NSL1: variants seen among roughly 807,000 people sequenced by gnomAD.
NSL1 encodes the protein kinetochore-associated protein NSL1 homolog.
Under a neutral mutation model 25.4 loss-of-function variants are expected in NSL1, and 11 were observed. That is an observed-to-expected ratio of 0.43 (90% confidence interval 0.27 to 0.72). The LOEUF (loss-of-function observed/expected upper bound fraction) is 0.72, where lower values mean the gene tolerates loss of function less well. NSL1 is among the 30% of genes least tolerant of loss of function. NSL1 has a pLI of 0.19. For synonymous variants in NSL1, 118 were observed against 120.6 expected, an observed-to-expected ratio of 0.98 and a Z score of 0.14; for missense variants, 330 against 342.7, an observed-to-expected ratio of 0.96 and a Z score of 0.29.
At chr1:212,758,932 C>CAGACAAA (rs1416025151) in intron 4 of NSL1, among the ~76,000 whole-genome samples, 1 of 152,158 alleles carries the variant, frequency 6.6e-6, no homozygotes, top group African/African-American at 2.4e-5. Context: ...GGCCTAAGGA[C>CAGACAAA]AGACAAAGAT....
chr1:212,742,283 T>C (rs1658542684), intron 4 of NSL1, among the ~76,000 whole-genome samples: 1 of 152,194 alleles, frequency 6.6e-6, no homozygotes, highest in African/African-American at 2.4e-5. Flanking sequence ...AAATTTACAT[T>C]TGAAGCCATT....
intron 4 of NSL1, among the ~76,000 whole-genome samples, chr1:212,770,210 A>T (rs925227889): frequency 2.6e-5 from 4 of 152,174 alleles, no homozygotes; most frequent in Non-Finnish European, 5.9e-5. Flanking sequence ...TATCAATCTA[A>T]AGAGAGAGAC....
rs1658277556 is a variant in NSL1, at chr1:212,737,511, T to C, written c.*897A>G. 2 of 982,590 alleles carry C rather than the reference T, an allele frequency of 2.0e-6. No individual in the cohort carries two copies. Among genetic ancestry groups the C allele is most frequent in the South Asian group, 9.4e-5 (2 of 21,242 alleles). The allele number at this position is 982,590 out of a possible 1,614,324, so 60.9% of individuals were successfully genotyped here. ...AGCTATAAGAAACTATAGTTAAATG[T>C]TAGAAGTAAAGCCAATATCGTTTTC... On this transcript the variant is annotated 3_prime_UTR_variant, in exon 6 of 6. Coordinates refer to ENST00000366977, the MANE Select transcript of NSL1 (RefSeq NM_015471.4).
intron 2 of NSL1, among the ~76,000 whole-genome samples, 153 bp downstream of exon 2, chr1:212,787,406 T>TG (rs35440902): frequency 6.6e-6 from 1 of 152,240 alleles, no homozygotes; most frequent in African/African-American, 2.4e-5. Context: ...AGAAGACTAT[T>TG]GAAGTCATAA....
At chr1:212,781,097 T>C (rs1478623500) in intron 4 of NSL1, among the ~76,000 whole-genome samples, 2 of 152,206 alleles carry the variant, frequency 1.3e-5, no homozygotes, top group Non-Finnish European at 1.5e-5. Flanking sequence ...ATTATGAAAA[T>C]GCATAATGAA....
chr1:212,761,401 A>G (rs1052216488), intron 4 of NSL1, among the ~76,000 whole-genome samples: 2 of 152,144 alleles, frequency 1.3e-5, no homozygotes, highest in Admixed American at 6.5e-5. Context: ...ATTACAAAAA[A>G]TTATTAGGGA....
At chr1:212,770,650 A>G (rs1294819777) in intron 4 of NSL1, among the ~76,000 whole-genome samples, 1 of 152,238 alleles carries the variant, frequency 6.6e-6, no homozygotes, top group African/African-American at 2.4e-5. Flanking sequence ...TTTTCAAACT[A>G]TTCCAAAAAC....
intron 4 of NSL1, among the ~76,000 whole-genome samples, chr1:212,762,464 G>C (rs1472942107): frequency 6.6e-6 from 1 of 152,202 alleles, no homozygotes; most frequent in African/African-American, 2.4e-5. Flanking sequence ...AAGAGTCAGT[G>C]TTAGCATGCC....
intron 4 of NSL1, among the ~76,000 whole-genome samples, chr1:212,775,348 ATAAAC>A (rs1407132061): frequency 2.0e-5 from 3 of 152,268 alleles, no homozygotes; most frequent in African/African-American, 7.2e-5. Flanking sequence ...AACTCTGTGA[ATAAAC>A]TAAAGCCACT....
chr1:212,749,909 G>A (rs1027597573), intron 4 of NSL1, among the ~76,000 whole-genome samples: 2 of 149,638 alleles, frequency 1.3e-5, no homozygotes, highest in African/African-American at 4.9e-5. Flanking sequence ...CTAAAGTTGT[G>A]CTGGACATAT....
At chr1:212,764,196 A>G (rs1361370713) in intron 4 of NSL1, among the ~76,000 whole-genome samples, 1 of 152,212 alleles carries the variant, frequency 6.6e-6, no homozygotes, top group Non-Finnish European at 1.5e-5. Flanking sequence ...TTAACAATGA[A>G]ATCAATATGT....
intron 4 of NSL1, among the ~76,000 whole-genome samples, chr1:212,751,240 A>T (rs1240282593): frequency 6.6e-6 from 1 of 152,176 alleles, no homozygotes; most frequent in Non-Finnish European, 1.5e-5. Flanking sequence ...AACTTTCCCT[A>T]CCTGTTCCAT....
At chr1:212,781,989 A>G (rs1248349484) in intron 4 of NSL1, 4 of 500,576 alleles carry the variant, frequency 8.0e-6, no homozygotes, top group East Asian at 5.3e-5. Context: ...TGAGAAACCA[A>G]TGATGGTTAC....
chr1:212,775,825 TG>T (rs34321046), intron 4 of NSL1, among the ~76,000 whole-genome samples: 2 of 144,904 alleles, frequency 1.4e-5, no homozygotes, highest in Non-Finnish European at 3.2e-5. Flanking sequence ...CATAAATTGG[TG>T]GTTTTTTTTT....
chr1:212,747,230 A>G (rs570733363), intron 4 of NSL1, among the ~76,000 whole-genome samples: 19 of 152,242 alleles, frequency 1.2e-4, no homozygotes, highest in Admixed American at 4.6e-4. Context: ...GTCAGCCTGC[A>G]TGACCAGTAA....
At chr1:212,748,775 G>A (rs1345897385) in intron 4 of NSL1, among the ~76,000 whole-genome samples, 2 of 152,102 alleles carry the variant, frequency 1.3e-5, no homozygotes, top group African/African-American at 4.8e-5. Flanking sequence ...TAAGGCTGGG[G>A]AACAGGATAA....
Position 212,727,121 on chromosome 1 carries a change from G to T in NSL1, c.*11287C>A, listed in dbSNP as rs41315583. On this transcript the variant is annotated 3_prime_UTR_variant, in exon 6 of 6. Coordinates refer to ENST00000366977, the MANE Select transcript of NSL1 (RefSeq NM_015471.4). ...TTCACCAGAGGCAGAAGGGATGAAG[G>T]TTCCCCGATCCCCTTCTCTCCTAAA... 1.3e-6 allele frequency: 2 copies of T among 1,566,178 alleles called. No individual in the cohort carries two copies. Among genetic ancestry groups the T allele is most frequent in the Non-Finnish European group, 1.7e-6 (2 of 1,155,820 alleles).
Position 212,736,173 on chromosome 1 carries a change from G to T in NSL1, c.*2235C>A. Reference sequence around the variant, plus strand: ...TCATTTCAGCCTCCTGGGTGGCTGGGACTACAGGTGTGTGCCATCACACCC... The same window carrying T: ...TCATTTCAGCCTCCTGGGTGGCTGGTACTACAGGTGTGTGCCATCACACCC... On this transcript the variant is annotated 3_prime_UTR_variant, in exon 6 of 6. Coordinates refer to ENST00000366977, the MANE Select transcript of NSL1 (RefSeq NM_015471.4). 1 of 620,824 alleles carries T rather than the reference G, an allele frequency of 1.6e-6. No individual in the cohort carries two copies. The highest frequency in any genetic ancestry group is 2.0e-6 in the Non-Finnish European group (1 of 496,790). The allele number at this position is 620,824 out of a possible 1,614,324, so 38.5% of individuals were successfully genotyped here.
Position 212,735,245 on chromosome 1 carries a change from C to T in NSL1, c.*3163G>A. The T allele has an allele frequency of 1.1e-6, 1 of 900,812 alleles. No individual in the cohort carries two copies. The highest frequency in any genetic ancestry group is 1.3e-6 in the Non-Finnish European group (1 of 753,144). The allele number at this position is 900,812 out of a possible 1,614,324, so 55.8% of individuals were successfully genotyped here. On this transcript the variant is annotated 3_prime_UTR_variant, in exon 6 of 6. Coordinates refer to ENST00000366977, the MANE Select transcript of NSL1 (RefSeq NM_015471.4). The stretch of plus-strand genomic sequence containing the variant: ...TATCATTGAACTAATAATGGTAGAA[C>T]TGAAATCTGAACTCAGATGATCTGG...
Sources: gnomAD v4.1 joint callset for allele counts (sites outside exome capture counted in the v4.1 genomes callset) on GRCh38, gnomAD v4.1.1 for gene constraint, MANE v1.5 for transcripts, NCBI Gene and HGNC (gene_info 2026-07-23, HGNC 2026-07-21) for gene names.